CACNA1E: variants seen among roughly 807,000 people sequenced by gnomAD.
CACNA1E encodes the protein calcium voltage-gated channel subunit alpha1 E, also known as voltage-dependent R-type calcium channel subunit alpha-1E.
Under a neutral mutation model 259.2 loss-of-function variants are expected in CACNA1E, and 40 were observed. The observed-to-expected ratio is 0.15, with a 90% CI of 0.12 to 0.20. The LOEUF is 0.20. CACNA1E is among the 10% of genes least tolerant of loss of function. CACNA1E has a pLI of 1.00. For missense variants in CACNA1E, 1,874 were observed against 3,040.1 expected (o/e 0.62, Z 9.02); for synonymous variants, 1,104 against 1,138.5 (o/e 0.97, Z 0.61).
chr1:181,505,226 T>G (rs1334178143), intron 1 of CACNA1E, among the ~76,000 whole-genome samples: 1 of 152,216 alleles, frequency 6.6e-6, no homozygotes, highest in Non-Finnish European at 1.5e-5. Context: ...GATTTTGTAG[T>G]GATAAATGAA....
intron 7 of CACNA1E, among the ~76,000 whole-genome samples, chr1:181,679,365 T>G (rs903288163): frequency 6.6e-6 from 1 of 152,152 alleles, no homozygotes; most frequent in African/African-American, 2.4e-5. Flanking sequence ...ATTTTTCACT[T>G]GGGTCTCTCT....
intron 25 of CACNA1E, among the ~76,000 whole-genome samples, chr1:181,740,167 G>A (rs1245941069): frequency 6.6e-6 from 1 of 152,206 alleles, no homozygotes; most frequent in Admixed American, 6.5e-5. Context: ...GTCTCTCTGA[G>A]TACAAGTGGA....
intron 27 of CACNA1E, among the ~76,000 whole-genome samples, chr1:181,753,503 G>A (rs1319333644): frequency 6.6e-6 from 1 of 152,192 alleles, no homozygotes; most frequent in Non-Finnish European, 1.5e-5. Flanking sequence ...TTTCACATGG[G>A]AAATGAGGAC....
chr1:181,484,261 C>T (rs922913506), intron 1 of CACNA1E, among the ~76,000 whole-genome samples: 2 of 152,194 alleles, frequency 1.3e-5, no homozygotes, highest in Non-Finnish European at 2.9e-5. Context: ...TCCCTGGGTG[C>T]ATCCCTTTCT....
At chr1:181,410,010 C>T (rs1045950114) in intron 1 of CACNA1E, among the ~76,000 whole-genome samples, 4 of 151,872 alleles carry the variant, frequency 2.6e-5, no homozygotes, top group Admixed American at 2.0e-4. Flanking sequence ...GGAGGGTGGC[C>T]CAGGAGCCTT....
At chr1:181,744,514 A>G (rs947202490) in intron 25 of CACNA1E, among the ~76,000 whole-genome samples, 1 of 152,188 alleles carries the variant, frequency 6.6e-6, no homozygotes, top group African/African-American at 2.4e-5. Context: ...TCAGCACCAA[A>G]ATGCTCGTAC....
intron 1 of CACNA1E, among the ~76,000 whole-genome samples, chr1:181,356,809 T>C (rs1228457334): frequency 6.6e-6 from 1 of 152,014 alleles, no homozygotes; most frequent in Non-Finnish European, 1.5e-5. Flanking sequence ...TGCAGGGAGG[T>C]TAGCTTCTCT....
At chr1:181,633,307 T>C (rs534296335) in intron 6 of CACNA1E, among the ~76,000 whole-genome samples, 5 of 152,008 alleles carry the variant, frequency 3.3e-5, no homozygotes, top group Non-Finnish European at 7.4e-5. Flanking sequence ...TTCATTCTTA[T>C]CACCATAGCT....
chr1:181,328,556 C>T (rs950567355), intron 1 of CACNA1E, among the ~76,000 whole-genome samples: 2 of 151,978 alleles, frequency 1.3e-5, no homozygotes, highest in African/African-American at 4.8e-5. Flanking sequence ...CTACCCAAGG[C>T]GTGGATATAG....
chr1:181,454,040 C>T (rs1661312723), intron 2 of CACNA1E, among the ~76,000 whole-genome samples: 1 of 152,146 alleles, frequency 6.6e-6, no homozygotes, highest in African/African-American at 2.4e-5. Context: ...TGATACCTAC[C>T]TTGATGGGTG....
chr1:181,587,190 A>G (rs528386876), intron 6 of CACNA1E, among the ~76,000 whole-genome samples: 1 of 152,222 alleles, frequency 6.6e-6, no homozygotes, highest in Admixed American at 6.5e-5. Context: ...TGAAAGAGGA[A>G]GTAAGGTCAT....
intron 3 of CACNA1E, among the ~76,000 whole-genome samples, chr1:181,524,228 TA>T (rs1207777282): frequency 1.3e-5 from 2 of 152,258 alleles, no homozygotes; most frequent in Non-Finnish European, 2.9e-5. Flanking sequence ...GTGGTGGTTT[TA>T]TTTTTTTATA....
intron 6 of CACNA1E, among the ~76,000 whole-genome samples, chr1:181,618,094 T>C (rs1408922226): frequency 6.6e-6 from 1 of 152,226 alleles, no homozygotes; most frequent in Admixed American, 6.5e-5. Flanking sequence ...GGTGCTGTTT[T>C]GAATGTTACA....
At chr1:181,318,728 A>G (rs1650109630) in intron 1 of CACNA1E, among the ~76,000 whole-genome samples, 1 of 152,130 alleles carries the variant, frequency 6.6e-6, no homozygotes, top group Non-Finnish European at 1.5e-5. Flanking sequence ...GTGCCTTTGG[A>G]GGCGACTCGG....
At chr1:181,549,505 C>A (rs74130035) in intron 3 of CACNA1E, among the ~76,000 whole-genome samples, 13,293 of 152,094 alleles carry the variant, frequency 0.087, 1,929 homozygotes, top group African/African-American at 0.3. Flanking sequence ...GGTGTAGACA[C>A]AACAGCTCAC....
chr1:181,794,838 G>T (rs780457604), intron 45 of CACNA1E, 26 bp from the exon 46 acceptor site: 2 of 1,593,940 alleles, frequency 1.3e-6, no homozygotes, highest in East Asian at 4.5e-5. Flanking sequence ...CATACCTTGT[G>T]TTTCTCTGGG....
chr1:181,785,557 A>G, intron 42 of CACNA1E, 139 bp downstream of exon 42: 1 of 858,580 alleles, frequency 1.2e-6, no homozygotes, highest in Non-Finnish European at 2.0e-6. Flanking sequence ...AGAACTTTCT[A>G]GTGACGTGGA....
At chr1:181,511,297 A>G in intron 2 of CACNA1E, 74 bp from the exon 3 acceptor site, 1 of 1,547,266 alleles carries the variant, frequency 6.5e-7, no homozygotes, top group Non-Finnish European at 8.9e-7. Flanking sequence ...AGGAAGGGCC[A>G]GGCTGTGCTT....
intron 3 of CACNA1E, among the ~76,000 whole-genome samples, chr1:181,518,232 AC>A (rs1047111978): frequency 1.3e-5 from 2 of 151,984 alleles, no homozygotes; most frequent in Non-Finnish European, 2.9e-5. Context: ...TAGGCACTAA[AC>A]CTGGCATCAG....
Sources: allele counts gnomAD v4.1 joint callset (sites outside exome capture counted in the v4.1 genomes callset), GRCh38; gene constraint gnomAD v4.1.1; transcripts MANE v1.5; gene names NCBI Gene and HGNC (gene_info 2026-07-23, HGNC 2026-07-21).